Variants in PTPN21 observed in about 807,000 individuals in gnomAD.
The protein encoded by PTPN21 is protein tyrosine phosphatase non-receptor type 21.
In PTPN21, 77 loss-of-function variants were observed where a neutral mutation model predicts 131.8. The ratio of observed to expected loss-of-function variants is 0.58; its 90% CI spans 0.49 to 0.71. The LOEUF (loss-of-function observed/expected upper bound fraction) is 0.71. Ranked by LOEUF, PTPN21 falls within the 30% of genes least tolerant of loss-of-function variation. The pLI is 0.00. For missense variants in PTPN21, 1,552 were observed against 1,527.1 expected, an observed-to-expected ratio of 1.02 and a Z score of -0.27; for synonymous variants, 715 against 621.3, an observed-to-expected ratio of 1.15 and a Z score of -2.24.
At chr14:88,478,810 G>A (rs992413470) in intron 13 of PTPN21, 110 bp downstream of exon 13, 23 of 619,024 alleles carry the variant, frequency 3.7e-5, no homozygotes, top group Non-Finnish European at 5.7e-5. Context: ...GGGGAATGAA[G>A]AACGTTAAAA....
In PTPN21 at chr14:88,504,481, A is replaced by T; in HGVS notation, c.531T>A (p.Asp177Glu). 6.2e-7 allele frequency: 1 copy of T among 1,612,560 alleles called. No homozygotes were observed. The stretch of plus-strand genomic sequence containing the variant: ...GGGTTGCTTCTTCCAATACTTTTTC[A>T]TCTTGTAACCATCCCTGAAGAAAAC... The part of the protein sequence containing the change: ...FALFPVGWLQ[D>E]EKVLEEATQK... The change falls in exon 6 of 19, where the codon GAT (aspartate) becomes GAA (glutamate). Residue 177 changes from aspartate (D) to glutamate (E), a missense_variant. Asp to Glu is a conservative substitution (Grantham distance 45). Coordinates refer to ENST00000556564, the MANE Select transcript of PTPN21 (RefSeq NM_007039.4).
At chr14:88,488,690 C>T (rs1428508358) in intron 10 of PTPN21, among the ~76,000 whole-genome samples, 2 of 152,152 alleles carry the variant, frequency 1.3e-5, no homozygotes, top group Non-Finnish European at 2.9e-5. Context: ...GTGGCACATG[C>T]CCGTGTAGTG....
At position 88,467,009 on chromosome 14, in the gene PTPN21, C is replaced by G. The variant is rs763057220; in HGVS notation, c.*1128G>C. On this transcript the variant is annotated 3_prime_UTR_variant, in exon 19 of 19. Coordinates refer to ENST00000556564, the MANE Select transcript of PTPN21 (RefSeq NM_007039.4). The stretch of plus-strand genomic sequence containing the variant: ...AAAGCCCCAAGGAAACGGAGTAAGT[C>G]ACTGGCGGTCACAGGACTTGAATTC... 6.6e-6 allele frequency: 1 copy of G among 152,166 alleles called. No individual in the cohort carries two copies. The highest frequency in any genetic ancestry group is 1.5e-5 in the Non-Finnish European group (1 of 68,038). 9.4% of individuals were successfully genotyped at this position (152,166 alleles called of 1,614,324 possible). A position where few individuals can be genotyped will look rare whatever the true frequency, so the allele number is the denominator to read the frequency against.
chr14:88,507,867 G>T, intron 4 of PTPN21, 56 bp downstream of exon 4: 1 of 1,087,130 alleles, frequency 9.2e-7, no homozygotes, highest in Non-Finnish European at 1.3e-6. Flanking sequence ...TTGCTATTTT[G>T]TTGTAACACA....
intron 13 of PTPN21, among the ~76,000 whole-genome samples, chr14:88,477,665 G>A (rs546901309): frequency 1.4e-4 from 22 of 152,162 alleles, no homozygotes; most frequent in African/African-American, 5.1e-4. Context: ...GTTTAGCAGC[G>A]ATGGGGGGAG....
chr14:88,468,358 G>GGAGGTTA (rs2077398853), intron 18 of PTPN21, 93 bp from the exon 19 acceptor site: 3 of 1,281,900 alleles, frequency 2.3e-6, no homozygotes, highest in Admixed American at 2.5e-5. Flanking sequence ...AAACCTGGTT[G>GGAGGTTA]GGAGATGGAC....
rs144424699 is a variant in PTPN21 at position 88,554,229 on chromosome 14, A to G, written c.-203+422T>C. Among the ~76,000 whole-genome samples, 51 of 152,342 alleles carry G rather than the reference A, an allele frequency of 3.3e-4. No individual in the cohort carries two copies. In the East Asian group the frequency reaches 7.5e-3, roughly 23 times the overall value. On this transcript the variant is annotated intron_variant, in intron 1 of 18. Transcript: ENST00000556564. ...TCACAAGTCGGAATTTGCAGATCCA[A>G]GAATTCTTGTTTCCAGAGTAAATAC...
chr14:88,476,569 T>C (rs2077550445), intron 13 of PTPN21, among the ~76,000 whole-genome samples: 2 of 152,332 alleles, frequency 1.3e-5, no homozygotes, highest in South Asian at 2.1e-4. Flanking sequence ...CCTAACTGCA[T>C]GTGGGACATA....
rs577554080 is a variant in PTPN21, at chr14:88,495,594, G to C, written c.932+819C>G. Among the ~76,000 whole-genome samples the C allele has an allele frequency of 3.3e-5, 5 of 152,282 alleles. No individual in the cohort carries two copies. In the East Asian group the frequency reaches 7.7e-4, roughly 24 times the overall value. On this transcript the variant is annotated intron_variant, in intron 10 of 18. Coordinates refer to ENST00000556564, the MANE Select transcript of PTPN21 (RefSeq NM_007039.4). ...AGAATCACTTGAACCGGGGGCTCAG[G>C]GGGAGGACAGGTCAGGAGAAGCCCC...
chr14:88,468,188 T>C lies in PTPN21; in HGVS notation c.3474A>G (p.Thr1158=), dbSNP rs752034438. The change falls in exon 19 of 19, where the codon ACA becomes ACG. Residue 1158 remains threonine (T), a synonymous_variant. Transcript: ENST00000556564. ...MMLVQTLCQY[T]FVYRVLIQFL... is the part of the protein sequence containing the mutation. ...ACTGGATGAGGACTCTGTACACAAA[T>C]GTGTACTGGCAGAGAGTCTGCACCA... 1.2e-6 allele frequency: 2 copies of C among 1,613,270 alleles called. No individual in the cohort carries two copies. The highest frequency in any genetic ancestry group is 2.2e-5 in the East Asian group (1 of 44,878).
chr14:88,469,398 T>C lies in PTPN21; in HGVS notation c.3235+101A>G. The C allele has an allele frequency of 8.5e-6, 9 of 1,060,700 alleles. No individual in the cohort carries two copies. The South Asian group carries it at 1.3e-4, about 16-fold the overall frequency. 65.7% of individuals were successfully genotyped at this position (1,060,700 alleles called of 1,614,324 possible). On this transcript the variant is annotated intron_variant, in intron 17 of 18. Coordinates refer to ENST00000556564, the MANE Select transcript of PTPN21 (RefSeq NM_007039.4). This position sits in a 1 kb window ranked among gnomAD's most constrained non-coding sequence, Gnocchi z 4.3. ...TATGTTAAAACAAGTCCGAAGCTTA[T>C]ATGAGATAACATAAAGGAAATATTT...
intron 2 of PTPN21, among the ~76,000 whole-genome samples, chr14:88,545,366 C>T (rs1314810480): frequency 6.6e-6 from 1 of 152,130 alleles, no homozygotes; most frequent in Non-Finnish European, 1.5e-5. Context: ...TCAGGTCTTC[C>T]CATGACATGA....
At chr14:88,549,478 C>T (rs1386674055) in intron 2 of PTPN21, among the ~76,000 whole-genome samples, 1 of 152,178 alleles carries the variant, frequency 6.6e-6, no homozygotes, top group African/African-American at 2.4e-5. Flanking sequence ...TAATCTATTC[C>T]TGCTTCATGA....
chr14:88,526,158 C>G (rs1442951387), intron 2 of PTPN21, among the ~76,000 whole-genome samples: 1 of 151,844 alleles, frequency 6.6e-6, no homozygotes, highest in African/African-American at 2.4e-5. Context: ...AGAATGACTG[C>G]CTATGGGATA....
chr14:88,517,652 G>GTATATATACAGGTGTATATACACA (rs6145435), intron 2 of PTPN21, among the ~76,000 whole-genome samples: 1 of 139,218 alleles, frequency 7.2e-6, no homozygotes, highest in Non-Finnish European at 1.5e-5. Flanking sequence ...TCATATATAT[G>GTATATATACAGGTGTATATACACA]TATATATACA....
chr14:88,529,983 GAAAAAAAAA>G (rs1211946748), intron 2 of PTPN21, among the ~76,000 whole-genome samples: 2 of 124,206 alleles, frequency 1.6e-5, no homozygotes, highest in African/African-American at 5.9e-5. Context: ...ACCATCTCAA[GAAAAAAAAA>G]AAAAGAAAAA....
At chr14:88,518,257 T>C (rs540109143) in intron 2 of PTPN21, among the ~76,000 whole-genome samples, 1 of 47,920 alleles carries the variant, frequency 2.1e-5, no homozygotes, top group Non-Finnish European at 3.7e-5. Flanking sequence ...AAAAAAAAAA[T>C]ATATATATAT....
rs765956845 is a variant in PTPN21, at chr14:88,485,737, AC to A, written c.993+44del. 4 of 1,376,610 alleles carry A rather than the reference AC, an allele frequency of 2.9e-6. No individual in the cohort carries two copies. In the African/African-American group the frequency reaches 4.3e-5, roughly 15 times the overall value. The allele number at this position is 1,376,610 out of a possible 1,614,324, so 85.3% of individuals were successfully genotyped here. ...TGAAAGCATATTTTATTCAGGAAAA[AC>A]ATCACTAAAATAAAAAAGCAATCAT... is the stretch of plus-strand genomic sequence containing the variant. On this transcript the variant is annotated intron_variant, in intron 11 of 18. Coordinates refer to ENST00000556564, the MANE Select transcript of PTPN21 (RefSeq NM_007039.4).
At chr14:88,546,002 A>T (rs1035064743) in intron 2 of PTPN21, among the ~76,000 whole-genome samples, 2 of 150,030 alleles carry the variant, frequency 1.3e-5, no homozygotes. Context: ...AAATAAAAAA[A>T]AAAAAAAAAA....
Sources: allele counts gnomAD v4.1 joint callset (sites outside exome capture counted in the v4.1 genomes callset), GRCh38; gene constraint gnomAD v4.1.1; non-coding constraint Gnocchi (gnomAD v3.1); transcripts MANE v1.5; gene names NCBI Gene and HGNC (gene_info 2026-07-23, HGNC 2026-07-21).